Variants in RORA observed in about 807,000 individuals in gnomAD.
The protein encoded by RORA is nuclear receptor ROR-alpha.
A neutral mutation model predicts 69.5 loss-of-function variants in RORA; 7 were observed. That is an observed-to-expected ratio of 0.10 (90% CI 0.06 to 0.19). RORA has a LOEUF of 0.19. Ranked by LOEUF, RORA falls within the 10% of genes least tolerant of loss-of-function variation. The pLI is 1.00. For missense variants in RORA, 457 were observed against 663.0 expected, an observed-to-expected ratio of 0.69 and a Z score of 3.41; for synonymous variants, 261 against 240.8, an observed-to-expected ratio of 1.08 and a Z score of -0.78.
intron 5 of RORA, among the ~76,000 whole-genome samples, chr15:60,506,986 TAA>T (rs201765139): frequency 1.4e-5 from 2 of 140,912 alleles, no homozygotes; most frequent in Non-Finnish European, 3.1e-5. Flanking sequence ...GACTCCCTCT[TAA>T]AAAAAAAAAA....
intron 1 of RORA, among the ~76,000 whole-genome samples, chr15:60,980,547 A>G (rs943036216): frequency 2.4e-4 from 36 of 152,122 alleles, no homozygotes; most frequent in African/African-American, 7.5e-4. Flanking sequence ...TTGCTAACTC[A>G]ATATTTACTT....
chr15:60,783,017 A>T (rs1318544184), intron 1 of RORA, among the ~76,000 whole-genome samples: 1 of 152,224 alleles, frequency 6.6e-6, no homozygotes, highest in Non-Finnish European at 1.5e-5. Context: ...AAAATACTAC[A>T]CAAATTGTAC....
In RORA at chr15:61,179,751, A is replaced by G. The variant is rs142536815; in HGVS notation, c.166+49302T>C. 4.9e-4 allele frequency among the ~76,000 whole-genome samples: 75 copies of G among 152,314 alleles called. 1 individual carries two copies. The South Asian group carries it at 5.8e-3, about 12-fold the overall frequency. On this transcript the variant is annotated intron_variant, in intron 1 of 10. Coordinates refer to ENST00000335670, the MANE Select transcript of RORA (RefSeq NM_134261.3). ...TGCTTTCAAATGTTCAGAGTTCAAT[A>G]AATGAATATGGCCAGTAAAGATCTT...
chr15:61,151,760 TCAAGC>T (rs1396282230), intron 1 of RORA, among the ~76,000 whole-genome samples: 1 of 152,224 alleles, frequency 6.6e-6, no homozygotes, highest in African/African-American at 2.4e-5. Context: ...ACGAAGCTTA[TCAAGC>T]ATGTACTTTA....
chr15:60,777,617 G>A (rs1336203275), intron 1 of RORA, among the ~76,000 whole-genome samples: 4 of 152,112 alleles, frequency 2.6e-5, no homozygotes, highest in African/African-American at 9.7e-5. Context: ...CTATCACTGT[G>A]GGCTGCAGTC....
chr15:61,106,199 A>G (rs893522872), intron 1 of RORA, among the ~76,000 whole-genome samples: 2 of 152,244 alleles, frequency 1.3e-5, no homozygotes, highest in South Asian at 4.1e-4. Flanking sequence ...TTTAGGCAGC[A>G]TCTGCTACAT....
rs55931732 is a variant in RORA at position 60,653,781 on chromosome 15, AT to A, written c.196+24875del. 4.5e-3 allele frequency among the ~76,000 whole-genome samples: 672 copies of A among 148,496 alleles called. 1 individual carries two copies. The highest frequency in any genetic ancestry group is 0.015 in the African/African-American group (621 of 40,504). On this transcript the variant is annotated intron_variant, in intron 2 of 10. Transcript: ENST00000335670. Reference sequence around the variant, plus strand: ...AGCCCTGTTTCAGCCACCTTGTCTCATTTTTTTTTTACTCTGATATCATATT... The same window carrying A: ...AGCCCTGTTTCAGCCACCTTGTCTCATTTTTTTTTACTCTGATATCATATT...
chr15:60,907,578 A>C (rs1293273946), intron 1 of RORA, among the ~76,000 whole-genome samples: 1 of 152,186 alleles, frequency 6.6e-6, no homozygotes. Flanking sequence ...CATATGTGGA[A>C]ATTTAACACA....
chr15:61,043,558 T>C (rs1017134962), intron 1 of RORA, among the ~76,000 whole-genome samples: 12 of 152,212 alleles, frequency 7.9e-5, no homozygotes, highest in Non-Finnish European at 1.5e-5. Context: ...ACATCAGAGC[T>C]AATTGGACAT....
chr15:61,093,677 A>G (rs1329869257), intron 1 of RORA, among the ~76,000 whole-genome samples: 1 of 152,232 alleles, frequency 6.6e-6, no homozygotes, highest in Non-Finnish European at 1.5e-5. Flanking sequence ...AGCACCTTTC[A>G]CATCAACCCT....
chr15:60,923,493 G>A (rs910680006), intron 1 of RORA, among the ~76,000 whole-genome samples: 3 of 152,138 alleles, frequency 2.0e-5, no homozygotes, highest in African/African-American at 7.2e-5. Flanking sequence ...GAGACCTGAG[G>A]TCATCTAGGC....
intron 1 of RORA, chr15:60,682,270 T>G (rs2070654414): frequency 6.6e-6 from 1 of 152,232 alleles, no homozygotes; most frequent in Non-Finnish European, 1.5e-5. Context: ...CCAAACTGAA[T>G]TACCATGTGA....
intron 1 of RORA, among the ~76,000 whole-genome samples, chr15:60,859,655 C>CT (rs71122880): frequency 0.058 from 5,835 of 101,430 alleles, 368 homozygotes; most frequent in Admixed American, 0.16. Flanking sequence ...TTCTTTCTTT[C>CT]TTTTTTTTTT....
chr15:60,763,044 T>A (rs1006780516), intron 1 of RORA, among the ~76,000 whole-genome samples: 1 of 147,930 alleles, frequency 6.8e-6, no homozygotes. Context: ...CAAATAAAAG[T>A]ACTGTTTCCA....
In RORA at chr15:60,576,156, G is replaced by A. The variant is rs191520028; in HGVS notation, c.197-44305C>T. Among the ~76,000 whole-genome samples the A allele has an allele frequency of 4.6e-5, 7 of 152,334 alleles. No homozygotes were observed. In the East Asian group the frequency reaches 7.7e-4, roughly 17 times the overall value. ...GGAGGTGCTTTTTCTCATGGGCAGC[G>A]TGGCTGTGGGCCATTGCACAACCTC... On this transcript the variant is annotated intron_variant, in intron 2 of 10. Coordinates refer to ENST00000335670, the MANE Select transcript of RORA (RefSeq NM_134261.3).
At chr15:60,753,880 C>A (rs1247113836) in intron 1 of RORA, among the ~76,000 whole-genome samples, 14 of 152,102 alleles carry the variant, frequency 9.2e-5, no homozygotes, top group Admixed American at 9.2e-4. Context: ...TTCTATTATC[C>A]CGTTTGATCC....
intron 1 of RORA, among the ~76,000 whole-genome samples, chr15:60,883,451 T>G (rs933387971): frequency 2.6e-5 from 4 of 152,214 alleles, no homozygotes; most frequent in African/African-American, 9.6e-5. Context: ...TGGAATGGTA[T>G]GCAGCTGTTA....
At chr15:61,216,688 G>C (rs2080043768) in intron 1 of RORA, among the ~76,000 whole-genome samples, 1 of 152,158 alleles carries the variant, frequency 6.6e-6, no homozygotes, top group Non-Finnish European at 1.5e-5. Context: ...CAGGGAAAAG[G>C]GAAGGAAGAA....
chr15:60,516,021 T>TATTTA (rs1567051393), intron 3 of RORA, among the ~76,000 whole-genome samples: 1 of 11,810 alleles, frequency 8.5e-5, no homozygotes, highest in Non-Finnish European at 1.4e-4. Context: ...TTATATATAT[T>TATTTA]TATATATTTA....
Sources: allele counts gnomAD v4.1 joint callset (sites outside exome capture counted in the v4.1 genomes callset), GRCh38; gene constraint gnomAD v4.1.1; transcripts MANE v1.5; gene names NCBI Gene and HGNC (gene_info 2026-07-23, HGNC 2026-07-21).